Variants in RANBP10 observed in about 807,000 individuals in gnomAD.
RANBP10 encodes RAN binding protein 10.
A neutral mutation model predicts 72.8 loss-of-function variants in RANBP10; 24 were observed. The observed-to-expected ratio is 0.33, with a 90% confidence interval of 0.24 to 0.46. The LOEUF (loss-of-function observed/expected upper bound fraction) is 0.46, where lower values mean the gene tolerates loss of function less well. RANBP10 is among the 20% of genes least tolerant of loss of function. RANBP10 has a pLI of 1.00. For synonymous variants in RANBP10, 310 were observed against 322.3 expected, an observed-to-expected ratio of 0.96 and a Z score of 0.41; for missense variants, 679 against 817.5, an observed-to-expected ratio of 0.83 and a Z score of 2.07.
At chr16:67,728,544 A>T in intron 10 of RANBP10, 33 bp from the exon 11 acceptor site, 1 of 1,613,618 alleles carries the variant, frequency 6.2e-7, no homozygotes, top group Non-Finnish European at 8.5e-7. Context: ...GAGTTGGCCC[A>T]GGGGGTGTGG....
chr16:67,771,358 T>A (rs2054604231), intron 3 of RANBP10, among the ~76,000 whole-genome samples: 1 of 152,074 alleles, frequency 6.6e-6, no homozygotes, highest in South Asian at 2.1e-4. Context: ...TTTTATTTTT[T>A]TTTTTGAGAC....
intron 3 of RANBP10, among the ~76,000 whole-genome samples, chr16:67,754,132 CAAAAA>C (rs67996811): frequency 1.5e-5 from 1 of 68,802 alleles, no homozygotes. Flanking sequence ...GAGTCCTTCT[CAAAAA>C]AAAAAAAAAA....
At chr16:67,785,474 T>C (rs1445017523) in intron 2 of RANBP10, among the ~76,000 whole-genome samples, 1 of 151,980 alleles carries the variant, frequency 6.6e-6, no homozygotes, top group African/African-American at 2.4e-5. Context: ...ATGCCTATAA[T>C]CCCAGCACTT....
intron 3 of RANBP10, among the ~76,000 whole-genome samples, chr16:67,769,207 C>T (rs894032458): frequency 2.0e-5 from 3 of 151,772 alleles, no homozygotes; most frequent in Non-Finnish European, 4.4e-5. Context: ...TTTGGGAGGC[C>T]GAGATGGGTG....
At chr16:67,794,592 G>A (rs554141037) in intron 2 of RANBP10, among the ~76,000 whole-genome samples, 2 of 137,838 alleles carry the variant, frequency 1.5e-5, no homozygotes, top group Non-Finnish European at 3.1e-5. Flanking sequence ...GCACGATCTC[G>A]GCTCACTATA....
In RANBP10 at chr16:67,729,472, G is replaced by A; in HGVS notation, c.1160C>T (p.Pro387Leu). The A allele has an allele frequency of 6.2e-7, 1 of 1,612,402 alleles. No homozygotes were observed. Among genetic ancestry groups the A allele is most frequent in the Non-Finnish European group, 8.5e-7 (1 of 1,179,444 alleles). ...SHMHNTGADSPSCSNGVASTK... is the reference protein window; with the variant it reads ...SHMHNTGADSLSCSNGVASTK... Reference sequence around the variant, plus strand: ...GGACGCGACGCCATTGCTACAGCTGGGACTGTCTGCTCCTAGAAGCCAGGG... The same window carrying A: ...GGACGCGACGCCATTGCTACAGCTGAGACTGTCTGCTCCTAGAAGCCAGGG... The change falls in exon 10 of 14, where the codon CCC becomes CTC. Residue 387 changes from proline to leucine, a missense_variant. By Grantham distance (98) the Pro-to-Leu change is moderately conservative. Coordinates refer to ENST00000317506, the MANE Select transcript of RANBP10 (RefSeq NM_020850.3). The surrounding 1 kb of genome is among the most constrained non-coding windows in gnomAD (Gnocchi z 7.1).
intron 3 of RANBP10, 91 bp from the exon 4 acceptor site, chr16:67,744,546 C>T: frequency 7.5e-7 from 1 of 1,332,420 alleles, no homozygotes; most frequent in Non-Finnish European, 1.0e-6. Context: ...CTCAGCCTCT[C>T]CTCAGCCTGC....
rs532615998 is a variant in RANBP10 at position 67,723,141 on chromosome 16, G to A, written c.*3287C>T. On this transcript the variant is annotated 3_prime_UTR_variant, in exon 14 of 14. Coordinates refer to ENST00000317506, the MANE Select transcript of RANBP10 (RefSeq NM_020850.3). ...ACAGAGTTTTTTTTTTGTCTCTCAA[G>A]TACAATTTTAATAAGATGTTTTGTG... 1 of 152,406 alleles carries A rather than the reference G, an allele frequency of 6.6e-6. No homozygotes were observed. Among genetic ancestry groups the A allele is most frequent in the East Asian group, 1.9e-4 (1 of 5,184 alleles). 9.4% of individuals were successfully genotyped at this position (152,406 alleles called of 1,614,324 possible).
Position 67,740,082 on chromosome 16 carries a change from G to A in RANBP10, c.569-2047C>T, listed in dbSNP as rs1438019119. Among the ~76,000 whole-genome samples, 5 of 148,780 alleles carry A rather than the reference G, an allele frequency of 3.4e-5. No homozygotes were observed. In the East Asian group the frequency reaches 7.9e-4, roughly 23 times the overall value. On this transcript the variant is annotated intron_variant, in intron 4 of 13. Transcript: ENST00000317506. Reference sequence around the variant, plus strand: ...GTGATCTCGGCTCACTGCAAGCTCCGCCTCCCAGGTTCACACTTTTTTTTT... The same window carrying A: ...GTGATCTCGGCTCACTGCAAGCTCCACCTCCCAGGTTCACACTTTTTTTTT...
chr16:67,800,739 C>T (rs868119295), intron 2 of RANBP10, among the ~76,000 whole-genome samples: 1 of 152,238 alleles, frequency 6.6e-6, no homozygotes, highest in Middle Eastern at 3.4e-3. Context: ...AAACACAGCC[C>T]CTCCTACTCC....
intron 3 of RANBP10, among the ~76,000 whole-genome samples, chr16:67,764,385 T>C (rs2054457482): frequency 6.6e-6 from 1 of 152,222 alleles, no homozygotes; most frequent in South Asian, 2.1e-4. Flanking sequence ...ACTCACATCC[T>C]GCCCACTTGC....
chr16:67,729,912 G>A lies in RANBP10; in HGVS notation c.998+26C>T. The A allele has an allele frequency of 6.2e-7, 1 of 1,613,732 alleles. No individual in the cohort carries two copies. Among genetic ancestry groups the A allele is most frequent in the Non-Finnish European group, 8.5e-7 (1 of 1,179,972 alleles). On this transcript the variant is annotated intron_variant, in intron 8 of 13. Transcript: ENST00000317506. The surrounding 1 kb of genome is among the most constrained non-coding windows in gnomAD (Gnocchi z 7.1). ...CCAGCTGAGAGGGGCTGGACTCTGG[G>A]GGAGCTGGGGGTGCCCAAGACTTAC...
Position 67,730,871 on chromosome 16 carries a change from C to G in RANBP10, c.889+601G>C, listed in dbSNP as rs1477448110. Among the ~76,000 whole-genome samples the G allele has an allele frequency of 6.6e-6, 1 of 152,158 alleles. No homozygotes were observed. Among genetic ancestry groups the G allele is most frequent in the African/African-American group, 2.4e-5 (1 of 41,428 alleles). ...TCTCCTTCTAGCTCCTCACTGGGCT[C>G]CTTTTCCTCTTTTCCAACACCCCTC... On this transcript the variant is annotated intron_variant, in intron 7 of 13. Coordinates refer to ENST00000317506, the MANE Select transcript of RANBP10 (RefSeq NM_020850.3). The surrounding 1 kb of genome is among the most constrained non-coding windows in gnomAD (Gnocchi z 4.3).
chr16:67,733,335 C>T (rs1014852142), intron 6 of RANBP10, among the ~76,000 whole-genome samples: 3 of 151,840 alleles, frequency 2.0e-5, no homozygotes, highest in African/African-American at 4.8e-5. Flanking sequence ...CACTGCACTC[C>T]GCCTGGGCAA....
At chr16:67,779,087 C>A (rs570269606) in intron 2 of RANBP10, among the ~76,000 whole-genome samples, 14 of 150,984 alleles carry the variant, frequency 9.3e-5, no homozygotes, top group African/African-American at 3.4e-4. Context: ...GAGACACTGT[C>A]TCAAAATAAA....
chr16:67,797,922 C>T (rs1438559042), intron 2 of RANBP10, among the ~76,000 whole-genome samples: 2 of 145,694 alleles, frequency 1.4e-5, no homozygotes, highest in East Asian at 2.0e-4. Context: ...CTCAGGAGGT[C>T]GAGGCTGCAG....
chr16:67,738,250 G>A (rs1004070798), intron 4 of RANBP10, among the ~76,000 whole-genome samples: 26 of 150,372 alleles, frequency 1.7e-4, no homozygotes, highest in African/African-American at 6.4e-4. Flanking sequence ...CAATTCTCTG[G>A]CCTCAGCCTC....
intron 2 of RANBP10, among the ~76,000 whole-genome samples, chr16:67,780,491 T>C (rs1161174201): frequency 6.6e-6 from 1 of 152,058 alleles, no homozygotes; most frequent in Admixed American, 6.6e-5. Context: ...CTTCAGCCTA[T>C]AATCCCAGCT....
At chr16:67,776,578 G>A (rs1251890077) in intron 2 of RANBP10, among the ~76,000 whole-genome samples, 1 of 149,934 alleles carries the variant, frequency 6.7e-6, no homozygotes, top group Non-Finnish European at 1.5e-5. Flanking sequence ...TTCAAGATCA[G>A]CCTGGCCAAC....
Sources: allele counts gnomAD v4.1 joint callset (sites outside exome capture counted in the v4.1 genomes callset), GRCh38; gene constraint gnomAD v4.1.1; non-coding constraint Gnocchi (gnomAD v3.1); transcripts MANE v1.5; gene names NCBI Gene and HGNC (gene_info 2026-07-23, HGNC 2026-07-21).